Variants in AGBL1 observed in about 807,000 individuals in gnomAD.
AGBL1 encodes AGBL carboxypeptidase 1.
AGBL1 carries 130 observed loss-of-function variants against 118.9 expected under a neutral mutation model. The ratio of observed to expected loss-of-function variants is 1.09; its 90% CI spans 0.95 to 1.26. The LOEUF (loss-of-function observed/expected upper bound fraction) is 1.26. AGBL1 is among the 50% of genes most tolerant of loss of function. The pLI is 0.00. For missense variants in AGBL1, 1,584 were observed against 1,298.1 expected, an observed-to-expected ratio of 1.22 and a Z score of -3.38; for synonymous variants, 555 against 478.9, an observed-to-expected ratio of 1.16 and a Z score of -2.08.
At chr15:86,937,083 CA>C (rs1475784949) in intron 23 of AGBL1, among the ~76,000 whole-genome samples, 103 of 152,218 alleles carry the variant, frequency 6.8e-4, no homozygotes, top group African/African-American at 2.0e-3. Context: ...TAGAGAAATG[CA>C]AATGGAAACC....
intron 17 of AGBL1, among the ~76,000 whole-genome samples, chr15:86,345,126 C>T (rs1339730315): frequency 6.6e-6 from 1 of 152,082 alleles, no homozygotes; most frequent in Non-Finnish European, 1.5e-5. Flanking sequence ...CTTTACACTG[C>T]CTCTACTGGT....
At chr15:86,631,976 A>T (rs1261804243) in intron 21 of AGBL1, among the ~76,000 whole-genome samples, 1 of 151,652 alleles carries the variant, frequency 6.6e-6, no homozygotes, top group Non-Finnish European at 1.5e-5. Flanking sequence ...GATCTCTTGA[A>T]ACCAAGAGTT....
intron 3 of AGBL1, among the ~76,000 whole-genome samples, chr15:86,147,992 T>C (rs1450425626): frequency 6.6e-6 from 1 of 152,142 alleles, no homozygotes; most frequent in Non-Finnish European, 1.5e-5. Flanking sequence ...GCAAACAAGG[T>C]CTGGAGTGGA....
chr15:86,997,960 T>C (rs888304707), intron 24 of AGBL1, among the ~76,000 whole-genome samples: 2 of 151,996 alleles, frequency 1.3e-5, no homozygotes, highest in African/African-American at 4.8e-5. Context: ...GTATTTTATA[T>C]ATTTACTTTC....
At chr15:87,019,920 G>C (rs1183916548) in intron 24 of AGBL1, among the ~76,000 whole-genome samples, 1 of 151,762 alleles carries the variant, frequency 6.6e-6, no homozygotes, top group African/African-American at 2.4e-5. Flanking sequence ...AGTCAGAAAT[G>C]ATGAGGATAT....
chr15:86,837,646 A>C (rs2079187467), intron 22 of AGBL1, among the ~76,000 whole-genome samples: 1 of 152,334 alleles, frequency 6.6e-6, no homozygotes, highest in African/African-American at 2.4e-5. Context: ...CTGTGTGAGA[A>C]AAAGAGCTGC....
At chr15:86,945,252 A>G (rs1274278727) in intron 23 of AGBL1, among the ~76,000 whole-genome samples, 1 of 151,358 alleles carries the variant, frequency 6.6e-6, no homozygotes, top group Non-Finnish European at 1.5e-5. Context: ...ACTAAAAAAA[A>G]AAAAAAAAAA....
intron 6 of AGBL1, among the ~76,000 whole-genome samples, chr15:86,245,279 T>C (rs1940625728): frequency 6.6e-6 from 1 of 152,210 alleles, no homozygotes; most frequent in Non-Finnish European, 1.5e-5. Context: ...TAGGGAGAAA[T>C]CTGACTTTGA....
At chr15:86,139,052 C>T (rs188542331) in intron 1 of AGBL1, among the ~76,000 whole-genome samples, 13 of 152,250 alleles carry the variant, frequency 8.5e-5, no homozygotes, top group East Asian at 5.8e-4. Context: ...CATTGGTACA[C>T]GTATATATCA....
At chr15:86,581,123 T>A (rs1341514404) in intron 21 of AGBL1, among the ~76,000 whole-genome samples, 1 of 152,182 alleles carries the variant, frequency 6.6e-6, no homozygotes, top group Admixed American at 6.5e-5. Flanking sequence ...CTTGATATTA[T>A]AAAATATTAT....
At chr15:86,247,645 G>A (rs1417927522) in intron 6 of AGBL1, 26 bp from the exon 7 acceptor site, 2 of 1,571,460 alleles carry the variant, frequency 1.3e-6, no homozygotes, top group African/African-American at 1.4e-5. Flanking sequence ...GCCTGTGACT[G>A]ACCCTGCCTT....
chr15:86,606,632 A>G (rs1246487274), intron 21 of AGBL1, among the ~76,000 whole-genome samples: 1 of 152,198 alleles, frequency 6.6e-6, no homozygotes, highest in Non-Finnish European at 1.5e-5. Flanking sequence ...ACTCTGTGAA[A>G]TTAGCATGCT....
chr15:86,733,368 G>A (rs2077553143), intron 22 of AGBL1, among the ~76,000 whole-genome samples: 1 of 152,106 alleles, frequency 6.6e-6, no homozygotes, highest in Admixed American at 6.6e-5. Flanking sequence ...CAACCACTGT[G>A]AAGATGAGAG....
intron 19 of AGBL1, among the ~76,000 whole-genome samples, chr15:86,532,191 G>A (rs2083359337): frequency 1.3e-5 from 2 of 150,064 alleles, no homozygotes; most frequent in South Asian, 4.2e-4. Flanking sequence ...CAGACAACAT[G>A]ATTGTTTATC....
chr15:86,633,970 C>G (rs1364804155), intron 21 of AGBL1, among the ~76,000 whole-genome samples: 2 of 151,116 alleles, frequency 1.3e-5, no homozygotes, highest in African/African-American at 4.9e-5. Context: ...AATAGGCATG[C>G]ACAATCAAAA....
chr15:86,505,346 C>T (rs528924678), intron 18 of AGBL1, among the ~76,000 whole-genome samples: 26 of 151,566 alleles, frequency 1.7e-4, no homozygotes, highest in African/African-American at 4.1e-4. Flanking sequence ...ACTATTTGTT[C>T]GTTCTGTCTC....
intron 5 of AGBL1, among the ~76,000 whole-genome samples, chr15:86,216,944 T>C (rs567723012): frequency 6.6e-6 from 1 of 152,194 alleles, no homozygotes; most frequent in Non-Finnish European, 1.5e-5. Flanking sequence ...GTACTGGCTG[T>C]CCCCTCAGCT....
intron 22 of AGBL1, among the ~76,000 whole-genome samples, chr15:86,785,546 T>C (rs1425132690): frequency 6.6e-6 from 1 of 151,880 alleles, no homozygotes; most frequent in Non-Finnish European, 1.5e-5. Context: ...TTTTGTATTT[T>C]TAGTAGAGAC....
chr15:86,187,933 A>T (rs1371986392), intron 5 of AGBL1, among the ~76,000 whole-genome samples: 1 of 152,244 alleles, frequency 6.6e-6, no homozygotes, highest in Non-Finnish European at 1.5e-5. Context: ...TAAGCAAAGC[A>T]TCATCCACAT....
Sources: allele counts gnomAD v4.1 joint callset (sites outside exome capture counted in the v4.1 genomes callset), GRCh38; gene constraint gnomAD v4.1.1; transcripts MANE v1.5; gene names NCBI Gene and HGNC (gene_info 2026-07-23, HGNC 2026-07-21).